The following ROBO2 variants were observed in gnomAD, a reference collection of about 807,000 sequenced individuals.
ROBO2 encodes roundabout guidance receptor 2, also known as roundabout homolog 2.
In ROBO2, 53 loss-of-function variants were observed where a neutral mutation model predicts 160.8. The observed-to-expected ratio is 0.33, with a 90% CI of 0.26 to 0.41. The LOEUF is 0.41. Ranked by LOEUF, ROBO2 falls within the 10% of genes least tolerant of loss-of-function variation. ROBO2 has a pLI of 1.00. For missense variants in ROBO2, 1,577 were observed against 1,722.4 expected (o/e 0.92, Z 1.49); for synonymous variants, 664 against 611.7 (o/e 1.09, Z -1.26).
At chr3:77,482,749 A>G (rs1396546877) in intron 4 of ROBO2, among the ~76,000 whole-genome samples, 3 of 152,150 alleles carry the variant, frequency 2.0e-5, no homozygotes, top group Non-Finnish European at 2.9e-5. Flanking sequence ...CTGGTAAGAA[A>G]TGATATTAGT....
At chr3:77,511,450 CT>C (rs1456334882) in intron 5 of ROBO2, among the ~76,000 whole-genome samples, 1 of 151,962 alleles carries the variant, frequency 6.6e-6, no homozygotes, top group African/African-American at 2.4e-5. Flanking sequence ...AAGTCCTAGT[CT>C]TTTGGGCCTA....
chr3:76,085,524 G>A (rs1289853210), intron 2 of ROBO2, among the ~76,000 whole-genome samples: 1 of 152,100 alleles, frequency 6.6e-6, no homozygotes, highest in African/African-American at 2.4e-5. Flanking sequence ...ATTACAGCAT[G>A]TAAAGAGCTT....
intron 17 of ROBO2, 26 bp from the exon 19 acceptor site, chr3:77,595,116 G>A: frequency 1.3e-6 from 2 of 1,595,896 alleles, no homozygotes; most frequent in Non-Finnish European, 8.6e-7. Flanking sequence ...GTGTGTGCAT[G>A]TCTTCCTTTT....
chr3:77,018,854 A>G (rs531711675), intron 2 of ROBO2, among the ~76,000 whole-genome samples: 2 of 152,332 alleles, frequency 1.3e-5, no homozygotes, highest in Admixed American at 6.5e-5. Flanking sequence ...ACAGAGGCTA[A>G]GGAGAGGGAA....
At chr3:76,052,544 T>C (rs1004124455) in intron 2 of ROBO2, among the ~76,000 whole-genome samples, 1 of 152,032 alleles carries the variant, frequency 6.6e-6, no homozygotes, top group East Asian at 1.9e-4. Flanking sequence ...TTTTTAAAAC[T>C]TAGGGTATCT....
chr3:77,554,675 A>G (rs1412713714), intron 8 of ROBO2, among the ~76,000 whole-genome samples: 1 of 151,958 alleles, frequency 6.6e-6, no homozygotes, highest in Non-Finnish European at 1.5e-5. Flanking sequence ...AAAGAACTAG[A>G]ATTAGAAGTG....
intron 2 of ROBO2, among the ~76,000 whole-genome samples, chr3:77,254,656 C>T (rs2090739919): frequency 1.3e-5 from 2 of 152,064 alleles, no homozygotes; most frequent in Admixed American, 1.3e-4. Context: ...TCTTAATAAT[C>T]TTTAGTTTGT....
chr3:75,996,768 TTCTGATATATGTAAATCATCA>T, intron 2 of ROBO2, among the ~76,000 whole-genome samples: 1 of 82,602 alleles, frequency 1.2e-5, no homozygotes, highest in African/African-American at 3.4e-5. Flanking sequence ...AAATCATCAA[TTCTGATATATGTAAATCATCA>T]ATTCTGATAT....
At chr3:76,718,614 C>G (rs1254182721) in intron 2 of ROBO2, among the ~76,000 whole-genome samples, 1 of 152,176 alleles carries the variant, frequency 6.6e-6, no homozygotes, top group Non-Finnish European at 1.5e-5. Context: ...GAAAGCCCCT[C>G]TGTGATTATA....
intron 2 of ROBO2, among the ~76,000 whole-genome samples, chr3:77,234,840 T>C (rs185178149): frequency 8.9e-4 from 136 of 152,322 alleles, no homozygotes; most frequent in African/African-American, 3.2e-3. Flanking sequence ...TTAGGGCTTT[T>C]ATGGTTATTG....
chr3:76,019,193 G>T (rs181796112), intron 2 of ROBO2, among the ~76,000 whole-genome samples: 2 of 151,402 alleles, frequency 1.3e-5, no homozygotes, highest in East Asian at 3.9e-4. Context: ...CTGAAGTTCC[G>T]TATGTATCTG....
intron 2 of ROBO2, among the ~76,000 whole-genome samples, chr3:76,584,333 C>CA (rs1290748426): frequency 6.6e-6 from 1 of 151,836 alleles, no homozygotes; most frequent in Non-Finnish European, 1.5e-5. Context: ...TGATTCCCCC[C>CA]CAGAATCATA....
intron 21 of ROBO2, 113 bp downstream of exon 22, chr3:77,608,067 T>C (rs929623977): frequency 2.1e-6 from 2 of 932,676 alleles, no homozygotes; most frequent in Non-Finnish European, 3.4e-6. Context: ...CCCACCACCA[T>C]GTTCATTGCA....
chr3:76,782,000 T>G (rs2062674777), intron 2 of ROBO2, among the ~76,000 whole-genome samples: 1 of 150,770 alleles, frequency 6.6e-6, no homozygotes, highest in South Asian at 2.1e-4. Flanking sequence ...GGCTTGTTGT[T>G]GCTCTTGGGA....
At chr3:76,888,715 C>T (rs73128917) in intron 2 of ROBO2, among the ~76,000 whole-genome samples, 7,846 of 152,134 alleles carry the variant, frequency 0.052, 263 homozygotes, top group South Asian at 0.15. Flanking sequence ...AAAAATGCCT[C>T]GGATTATCTC....
intron 2 of ROBO2, among the ~76,000 whole-genome samples, chr3:77,137,696 C>G (rs967110017): frequency 5.9e-5 from 9 of 152,202 alleles, no homozygotes; most frequent in African/African-American, 2.2e-4. Flanking sequence ...ATTGTACAGT[C>G]TGTTGAGCCC....
chr3:76,740,259 T>G (rs2093780723), intron 2 of ROBO2, among the ~76,000 whole-genome samples: 1 of 152,200 alleles, frequency 6.6e-6, no homozygotes, highest in Non-Finnish European at 1.5e-5. Context: ...TAACTCAGTG[T>G]GTTGATGAGT....
intron 2 of ROBO2, among the ~76,000 whole-genome samples, chr3:77,133,786 T>G (rs2076051902): frequency 6.6e-6 from 1 of 152,224 alleles, no homozygotes; most frequent in Admixed American, 6.5e-5. Context: ...TAATTTTTAG[T>G]GTCCTACCAT....
intron 2 of ROBO2, among the ~76,000 whole-genome samples, chr3:76,139,251 C>A (rs780030228): frequency 3.9e-5 from 6 of 151,930 alleles, no homozygotes; most frequent in Non-Finnish European, 8.8e-5. Context: ...TATTTGTAAG[C>A]CTTTGTCTTT....
Sources: gnomAD v4.1 joint callset for allele counts (sites outside exome capture counted in the v4.1 genomes callset) on GRCh38, gnomAD v4.1.1 for gene constraint, MANE v1.5 for transcripts, NCBI Gene and HGNC (gene_info 2026-07-23, HGNC 2026-07-21) for gene names.